RALGPS1: variants seen among roughly 807,000 people sequenced by gnomAD.
RALGPS1 encodes ras-specific guanine nucleotide-releasing factor RalGPS1.
A neutral mutation model predicts 78.8 loss-of-function variants in RALGPS1; 19 were observed. That is an observed-to-expected ratio of 0.24 (90% CI 0.17 to 0.35). The LOEUF (loss-of-function observed/expected upper bound fraction) is 0.35, where lower values mean the gene tolerates loss of function less well. RALGPS1 is among the 10% of genes least tolerant of loss of function. The pLI is 1.00. For synonymous variants in RALGPS1, 228 were observed against 256.3 expected, an observed-to-expected ratio of 0.89 and a Z score of 1.06; for missense variants, 454 against 688.3, an observed-to-expected ratio of 0.66 and a Z score of 3.81.
At chr9:126,980,019 G>A (rs911376734) in intron 4 of RALGPS1, among the ~76,000 whole-genome samples, 1 of 152,268 alleles carries the variant, frequency 6.6e-6, no homozygotes, top group Non-Finnish European at 1.5e-5. Context: ...TTGCTTTAAG[G>A]TATCTGGAGA....
intron 14 of RALGPS1, among the ~76,000 whole-genome samples, chr9:127,200,762 A>T (rs950711919): frequency 6.6e-6 from 1 of 152,226 alleles, no homozygotes; most frequent in African/African-American, 2.4e-5. Context: ...AACTCTCAGC[A>T]TCAGTCAGGG....
rs1421935308 is a variant in RALGPS1 at position 127,220,386 on chromosome 9, T to A, written c.*1617T>A. ...CAAATAATGACAACTTCTTTAGAAA[T>A]TTGAATGGCTTGGTGAGGAAAGTAG... On this transcript the variant is annotated 3_prime_UTR_variant, in exon 19 of 19. Transcript: ENST00000259351. 6.6e-6 allele frequency: 1 copy of A among 152,242 alleles called. No homozygotes were observed. 9.4% of individuals were successfully genotyped at this position (152,242 alleles called of 1,614,324 possible). A position where few individuals can be genotyped will look rare whatever the true frequency, so the allele number is the denominator to read the frequency against.
intron 8 of RALGPS1, among the ~76,000 whole-genome samples, chr9:127,110,507 G>C (rs893511186): frequency 6.6e-6 from 1 of 152,168 alleles, no homozygotes; most frequent in Non-Finnish European, 1.5e-5. Context: ...TCACCCTCAA[G>C]TACTGATTAC....
chr9:127,043,549 T>C (rs1275395217), intron 5 of RALGPS1, among the ~76,000 whole-genome samples: 1 of 152,156 alleles, frequency 6.6e-6, no homozygotes, highest in Non-Finnish European at 1.5e-5. Context: ...TTGGATTTGT[T>C]AATGAGTTAT....
intron 14 of RALGPS1, among the ~76,000 whole-genome samples, chr9:127,208,877 G>T (rs1323309810): frequency 6.6e-6 from 1 of 152,220 alleles, no homozygotes; most frequent in Admixed American, 6.5e-5. Context: ...TGGGAAGAAG[G>T]TAGCCACGCT....
intron 8 of RALGPS1, among the ~76,000 whole-genome samples, chr9:127,142,027 G>C (rs1484855351): frequency 6.6e-6 from 1 of 152,150 alleles, no homozygotes; most frequent in Non-Finnish European, 1.5e-5. Flanking sequence ...CCAGCCTTGC[G>C]TAGGTCTGTT....
intron 8 of RALGPS1, among the ~76,000 whole-genome samples, chr9:127,140,092 C>T (rs572904615): frequency 1.3e-5 from 2 of 152,282 alleles, no homozygotes; most frequent in South Asian, 4.1e-4. Context: ...TGTTGTCACC[C>T]TTATCACAGC....
At chr9:126,999,288 A>G (rs112856217) in intron 4 of RALGPS1, among the ~76,000 whole-genome samples, 9 of 152,202 alleles carry the variant, frequency 5.9e-5, no homozygotes, top group African/African-American at 2.2e-4. Context: ...GTCCTCCCCC[A>G]GAGTGGATTT....
At chr9:127,062,981 A>G (rs2135685354) in intron 7 of RALGPS1, among the ~76,000 whole-genome samples, 1 of 152,320 alleles carries the variant, frequency 6.6e-6, no homozygotes, top group Admixed American at 6.5e-5. Flanking sequence ...TATCCACAAC[A>G]CTAAAAATTC....
At chr9:127,068,759 CT>C (rs761783548) in intron 7 of RALGPS1, among the ~76,000 whole-genome samples, 1 of 152,164 alleles carries the variant, frequency 6.6e-6, no homozygotes, top group Non-Finnish European at 1.5e-5. Context: ...TGGTATGGGG[CT>C]TATCCCATAG....
At chr9:127,099,675 G>C (rs2136750992) in intron 8 of RALGPS1, among the ~76,000 whole-genome samples, 1 of 152,310 alleles carries the variant, frequency 6.6e-6, no homozygotes, top group East Asian at 1.9e-4. Context: ...ATAAGATTCT[G>C]GTTATGGATG....
At chr9:127,108,092 G>T (rs1477649997) in intron 8 of RALGPS1, 1 of 1,611,794 alleles carries the variant, frequency 6.2e-7, no homozygotes, top group Non-Finnish European at 8.5e-7. Context: ...GGTGGCTGGG[G>T]GACGGGCCTG....
chr9:127,191,760 C>G (rs571577693), intron 11 of RALGPS1, among the ~76,000 whole-genome samples: 1 of 144,684 alleles, frequency 6.9e-6, no homozygotes, highest in Admixed American at 7.1e-5. Flanking sequence ...TGCAGTGGCA[C>G]GATCTCGGCT....
intron 4 of RALGPS1, among the ~76,000 whole-genome samples, chr9:127,008,012 A>G (rs10819263): frequency 0.2 from 30,668 of 152,062 alleles, 3,844 homozygotes; most frequent in East Asian, 0.44. Context: ...GGTGACCCAC[A>G]TAGATGCAGG....
At chr9:126,981,992 C>G (rs370649816) in intron 4 of RALGPS1, among the ~76,000 whole-genome samples, 3 of 152,076 alleles carry the variant, frequency 2.0e-5, no homozygotes, top group African/African-American at 7.2e-5. Flanking sequence ...AATGCCTGGC[C>G]GTTGGCAGGA....
chr9:127,218,704 C>G lies in RALGPS1; in HGVS notation c.1645-36C>G. On this transcript the variant is annotated intron_variant, in intron 18 of 18. Transcript: ENST00000259351. This position sits in a 1 kb window ranked among gnomAD's most constrained non-coding sequence, Gnocchi z 4.4. ...ACCACCCCTTGTCCTTCTCTGAGGT[C>G]GGAACTTTAACAAGAGGCTGAGCTT... The G allele has an allele frequency of 6.2e-7, 1 of 1,608,818 alleles. No individual in the cohort carries two copies. Among genetic ancestry groups the G allele is most frequent in the Non-Finnish European group, 8.5e-7 (1 of 1,175,210 alleles).
At chr9:127,000,178 A>G (rs1178417858) in intron 4 of RALGPS1, among the ~76,000 whole-genome samples, 1 of 151,722 alleles carries the variant, frequency 6.6e-6, no homozygotes, top group Non-Finnish European at 1.5e-5. Flanking sequence ...TATTTTTTCT[A>G]TGGCTTTTCT....
At chr9:126,992,043 T>C (rs1403312875) in intron 4 of RALGPS1, among the ~76,000 whole-genome samples, 1 of 152,216 alleles carries the variant, frequency 6.6e-6, no homozygotes, top group Non-Finnish European at 1.5e-5. Context: ...ACTTGTTTGA[T>C]GAATGACAGG....
intron 11 of RALGPS1, among the ~76,000 whole-genome samples, chr9:127,188,121 G>C (rs2060778883): frequency 6.8e-6 from 1 of 146,444 alleles, no homozygotes. Flanking sequence ...GAGTGCAGTG[G>C]CGCGATCTAG....
Sources: gnomAD v4.1 joint callset for allele counts (sites outside exome capture counted in the v4.1 genomes callset) on GRCh38, gnomAD v4.1.1 for gene constraint, Gnocchi (gnomAD v3.1) non-coding constraint, MANE v1.5 for transcripts, NCBI Gene and HGNC (gene_info 2026-07-23, HGNC 2026-07-21) for gene names.